Variants in TMEM268 observed in about 807,000 individuals in gnomAD.
The protein encoded by TMEM268 is transmembrane protein 268.
A neutral mutation model predicts 39.1 loss-of-function variants in TMEM268; 24 were observed. That is an observed-to-expected ratio of 0.61 (90% CI 0.44 to 0.86). The LOEUF is 0.86. TMEM268 is among the 40% of genes least tolerant of loss of function. The probability of loss-of-function intolerance (pLI) is 0.00; values close to 1 mark genes in which losing one functional copy is unlikely to be tolerated. For missense variants in TMEM268, 409 were observed against 428.6 expected (o/e 0.95, Z 0.40); for synonymous variants, 176 against 173.5 (o/e 1.01, Z -0.12).
intron 5 of TMEM268, among the ~76,000 whole-genome samples, chr9:114,633,505 G>C (rs1435357587): frequency 6.6e-6 from 1 of 151,960 alleles, no homozygotes; most frequent in Non-Finnish European, 1.5e-5. Flanking sequence ...ACGGCATCTC[G>C]CTACATTGTC....
chr9:114,627,095 TG>T (rs1846195084), intron 4 of TMEM268, 89 bp downstream of exon 4: 3 of 963,974 alleles, frequency 3.1e-6, no homozygotes, highest in Admixed American at 3.6e-5. Context: ...CCTGTTGGTG[TG>T]GGTCAGGGGC....
chr9:114,609,886 G>A (rs571471842), upstream of TMEM268, among the ~76,000 whole-genome samples: 2 of 152,144 alleles, frequency 1.3e-5, no homozygotes, highest in Non-Finnish European at 2.9e-5. Flanking sequence ...TGCAGGCTGT[G>A]GCATGTTTGC....
intron 6 of TMEM268, among the ~76,000 whole-genome samples, chr9:114,635,078 C>T (rs76278849): frequency 0.077 from 11,778 of 152,192 alleles, 623 homozygotes; most frequent in South Asian, 0.15. Flanking sequence ...TGGTGGCTCA[C>T]ATCTGTAATC....
rs150200979 is a variant in TMEM268, at chr9:114,640,632, T to A, written c.849+1906T>A. Reference sequence around the variant, plus strand: ...AAGTAGGCCAGTGTTCTTGCTACAGTTCCTTGCTTCTTACATTATTGATTT... The same window carrying A: ...AAGTAGGCCAGTGTTCTTGCTACAGATCCTTGCTTCTTACATTATTGATTT... On this transcript the variant is annotated intron_variant, in intron 8 of 8. Coordinates refer to ENST00000288502, the MANE Select transcript of TMEM268 (RefSeq NM_153045.4). Among the ~76,000 whole-genome samples, 1,443 of 152,300 alleles carry A rather than the reference T, an allele frequency of 9.5e-3. 13 individuals are homozygous for A. The highest frequency in any genetic ancestry group is 0.055 in the South Asian group (266 of 4,820).
chr9:114,613,136 A>T (rs951895263), intron 1 of TMEM268, among the ~76,000 whole-genome samples: 5 of 152,224 alleles, frequency 3.3e-5, no homozygotes, highest in African/African-American at 1.2e-4. Context: ...AAGCGGCAGG[A>T]CAGGGCCGGT....
intron 1 of TMEM268, among the ~76,000 whole-genome samples, chr9:114,614,497 C>T (rs62578857): frequency 0.085 from 12,917 of 152,258 alleles, 606 homozygotes; most frequent in South Asian, 0.14. Context: ...TGGGCCCATT[C>T]TGTAGCTGCT....
chr9:114,626,738 T>C (rs1425679315), intron 3 of TMEM268, among the ~76,000 whole-genome samples, 161 bp from the exon 4 acceptor site: 1 of 152,194 alleles, frequency 6.6e-6, no homozygotes, highest in Non-Finnish European at 1.5e-5. Context: ...TTCCCTGAGC[T>C]GAGAGCTGCA....
At chr9:114,622,069 C>T in intron 2 of TMEM268, 1 of 985,298 alleles carries the variant, frequency 1.0e-6, no homozygotes, top group South Asian at 4.7e-5. Context: ...GCCAGGAGGG[C>T]ACAGAGTGGA....
chr9:114,641,969 A>G (rs1035728160), intron 8 of TMEM268, among the ~76,000 whole-genome samples: 2 of 152,310 alleles, frequency 1.3e-5, no homozygotes, highest in East Asian at 1.9e-4. Context: ...GAAAAAAAAA[A>G]GTACATTACA....
chr9:114,618,662 C>CA (rs879763988), intron 2 of TMEM268, among the ~76,000 whole-genome samples: 1,442 of 140,802 alleles, frequency 0.01, 12 homozygotes, highest in African/African-American at 0.012. Flanking sequence ...GACTCCATCT[C>CA]AAAAAAAAAA....
intron 4 of TMEM268, among the ~76,000 whole-genome samples, 155 bp downstream of exon 4, chr9:114,627,161 T>C (rs1846198023): frequency 6.6e-6 from 1 of 152,152 alleles, no homozygotes; most frequent in Non-Finnish European, 1.5e-5. Context: ...GGACATTGAT[T>C]TGGGATCAGA....
At chr9:114,630,818 A>G (rs910991025) in intron 5 of TMEM268, among the ~76,000 whole-genome samples, 2 of 152,148 alleles carry the variant, frequency 1.3e-5, no homozygotes, top group Non-Finnish European at 1.5e-5. Flanking sequence ...AGCCCTTCTC[A>G]GGTCTTCTTT....
In TMEM268 at chr9:114,612,237, G is replaced by A. The variant is rs572010294; in HGVS notation, c.-79+673G>A. ...TGTCTGCAGAGCTGGGGGCCTTTGC[G>A]CAATAGGACTTAAGAGTATGTTCCT... On this transcript the variant is annotated intron_variant, in intron 1 of 8. Coordinates refer to ENST00000288502, the MANE Select transcript of TMEM268 (RefSeq NM_153045.4). Among the ~76,000 whole-genome samples, 23 of 152,304 alleles carry A rather than the reference G, an allele frequency of 1.5e-4. 1 individual carries two copies. The South Asian group carries it at 4.8e-3, about 32-fold the overall frequency.
chr9:114,634,292 A>G (rs1049999834), intron 6 of TMEM268, among the ~76,000 whole-genome samples: 1 of 152,168 alleles, frequency 6.6e-6, no homozygotes, highest in African/African-American at 2.4e-5. Flanking sequence ...CCTTATAGCA[A>G]ACGGACAGCC....
intron 2 of TMEM268, among the ~76,000 whole-genome samples, chr9:114,620,045 C>A (rs1332114061): frequency 6.6e-6 from 1 of 151,914 alleles, no homozygotes; most frequent in Non-Finnish European, 1.5e-5. Context: ...GAAACCCCAT[C>A]TCTATGAAAA....
At chr9:114,635,689 G>T (rs566322961) in intron 6 of TMEM268, among the ~76,000 whole-genome samples, 1 of 152,082 alleles carries the variant, frequency 6.6e-6, no homozygotes, top group Admixed American at 6.6e-5. Context: ...AAAAAAAAAA[G>T]AATGGACACA....
chr9:114,628,074 C>G, intron 4 of TMEM268, 27 bp from the exon 5 acceptor site: 1 of 1,610,034 alleles, frequency 6.2e-7, no homozygotes, highest in South Asian at 1.1e-5. Flanking sequence ...AAGTTCCTGA[C>G]CATGCTCTCT....
At chr9:114,618,033 C>T (rs985213056) in intron 2 of TMEM268, among the ~76,000 whole-genome samples, 19 of 151,996 alleles carry the variant, frequency 1.3e-4, no homozygotes, top group African/African-American at 4.3e-4. Context: ...CCCACCACCA[C>T]GCCCAGCTAA....
chr9:114,610,851 A>G (rs1007874358), upstream of TMEM268, among the ~76,000 whole-genome samples: 5 of 152,266 alleles, frequency 3.3e-5, no homozygotes, highest in African/African-American at 1.2e-4. Context: ...TAAGAAGTGG[A>G]GAGACCCGAA....
Sources: gnomAD v4.1 joint callset for allele counts (sites outside exome capture counted in the v4.1 genomes callset) on GRCh38, gnomAD v4.1.1 for gene constraint, MANE v1.5 for transcripts, NCBI Gene and HGNC (gene_info 2026-07-23, HGNC 2026-07-21) for gene names.